The following CNTNAP2 variants were observed in gnomAD, a reference collection of about 807,000 sequenced individuals.
The protein encoded by CNTNAP2 is contactin associated protein 2, also known as contactin-associated protein-like 2.
A neutral mutation model predicts 155.2 loss-of-function variants in CNTNAP2; 98 were observed. That is an observed-to-expected ratio of 0.63 (90% CI 0.54 to 0.75). The LOEUF is 0.75. CNTNAP2 is among the 30% of genes least tolerant of loss of function. CNTNAP2 has a pLI of 0.00. For missense variants in CNTNAP2, 1,727 were observed against 1,688.1 expected, an observed-to-expected ratio of 1.02 and a Z score of -0.40; for synonymous variants, 651 against 631.2, an observed-to-expected ratio of 1.03 and a Z score of -0.47.
intron 13 of CNTNAP2, among the ~76,000 whole-genome samples, chr7:147,866,175 C>T (rs1196409632): frequency 2.6e-5 from 4 of 152,048 alleles, no homozygotes; most frequent in South Asian, 2.1e-4. Flanking sequence ...TTCATTTCGT[C>T]ATGTACCCAG....
intron 1 of CNTNAP2, among the ~76,000 whole-genome samples, chr7:146,506,229 C>T (rs1273236038): frequency 2.0e-5 from 3 of 152,152 alleles, no homozygotes; most frequent in Non-Finnish European, 4.4e-5. Context: ...GCATATGCCC[C>T]TGCAACCTCA....
intron 10 of CNTNAP2, among the ~76,000 whole-genome samples, chr7:147,429,616 T>C (rs1797434538): frequency 6.6e-6 from 1 of 152,158 alleles, no homozygotes; most frequent in Non-Finnish European, 1.5e-5. Context: ...TTGCTTTTGG[T>C]TCTTGGTCAT....
At chr7:147,117,966 C>T (rs1012160668) in intron 5 of CNTNAP2, among the ~76,000 whole-genome samples, 2 of 151,706 alleles carry the variant, frequency 1.3e-5, no homozygotes, top group Non-Finnish European at 2.9e-5. Context: ...GCATGCAAAA[C>T]CTGGGAAATA....
intron 13 of CNTNAP2, among the ~76,000 whole-genome samples, chr7:147,876,539 A>G (rs1456640132): frequency 2.0e-5 from 3 of 152,212 alleles, no homozygotes; most frequent in Non-Finnish European, 4.4e-5. Flanking sequence ...GATAATGGGT[A>G]AAGTGGCTGA....
chr7:146,479,915 G>T (rs999765786), intron 1 of CNTNAP2, among the ~76,000 whole-genome samples: 1 of 152,266 alleles, frequency 6.6e-6, no homozygotes, highest in African/African-American at 2.4e-5. Flanking sequence ...CTCCAGAGTA[G>T]CTGGGATTAC....
intron 21 of CNTNAP2, among the ~76,000 whole-genome samples, chr7:148,371,967 G>A (rs546660828): frequency 3.9e-5 from 6 of 152,310 alleles, no homozygotes; most frequent in South Asian, 4.1e-4. Flanking sequence ...TTGGGAGGCC[G>A]AGGCAGGCGG....
intron 1 of CNTNAP2, among the ~76,000 whole-genome samples, chr7:146,477,782 T>C (rs909066453): frequency 6.6e-6 from 1 of 152,166 alleles, no homozygotes; most frequent in Admixed American, 6.5e-5. Flanking sequence ...TTAAGATTTG[T>C]GGCGTTATGT....
chr7:148,242,593 G>A (rs1428708547), intron 20 of CNTNAP2, among the ~76,000 whole-genome samples: 1 of 152,238 alleles, frequency 6.6e-6, no homozygotes, highest in African/African-American at 2.4e-5. Flanking sequence ...CATCTGTCGC[G>A]GATACCGCGA....
chr7:146,270,215 A>G (rs894992931), intron 1 of CNTNAP2, among the ~76,000 whole-genome samples: 6 of 152,188 alleles, frequency 3.9e-5, no homozygotes, highest in Admixed American at 2.6e-4. Context: ...TAGTTTATGT[A>G]TAGAATTTTG....
intron 8 of CNTNAP2, among the ~76,000 whole-genome samples, chr7:147,199,714 C>T (rs192474700): frequency 2.0e-5 from 3 of 150,962 alleles, no homozygotes; most frequent in East Asian, 2.0e-4. Context: ...AAATGAAGTT[C>T]GTCTGTTACA....
At chr7:146,328,080 C>T (rs964709213) in intron 1 of CNTNAP2, among the ~76,000 whole-genome samples, 10 of 152,148 alleles carry the variant, frequency 6.6e-5, no homozygotes, top group Admixed American at 6.5e-5. Context: ...GCTGCTCAGC[C>T]GGAGGTGAGC....
At chr7:147,654,511 T>C (rs1795495671) in intron 13 of CNTNAP2, among the ~76,000 whole-genome samples, 1 of 152,226 alleles carries the variant, frequency 6.6e-6, no homozygotes, top group Admixed American at 6.5e-5. Context: ...TATCATGAGA[T>C]TGCAGCAATT....
chr7:146,639,655 G>T (rs1038592473), intron 1 of CNTNAP2, among the ~76,000 whole-genome samples: 3 of 152,186 alleles, frequency 2.0e-5, no homozygotes, highest in African/African-American at 7.2e-5. Context: ...GAGTTGATCT[G>T]AGTATTCAGA....
chr7:147,488,224 T>A (rs545464242), intron 11 of CNTNAP2, among the ~76,000 whole-genome samples: 1 of 152,262 alleles, frequency 6.6e-6, no homozygotes, highest in East Asian at 1.9e-4. Flanking sequence ...GAATGAACAA[T>A]TTTACATTTT....
chr7:146,943,111 C>T (rs1037333655), intron 3 of CNTNAP2, among the ~76,000 whole-genome samples: 12 of 152,280 alleles, frequency 7.9e-5, no homozygotes, highest in African/African-American at 1.9e-4. Flanking sequence ...TCCTAAAAAA[C>T]ATTATAGCCT....
chr7:146,565,172 A>G (rs1330408322), intron 1 of CNTNAP2, among the ~76,000 whole-genome samples: 1 of 151,950 alleles, frequency 6.6e-6, no homozygotes, highest in African/African-American at 2.4e-5. Context: ...CACGACATTA[A>G]GGGCAAGATA....
At chr7:148,123,563 C>T (rs1804643619) in intron 16 of CNTNAP2, among the ~76,000 whole-genome samples, 3 of 151,172 alleles carry the variant, frequency 2.0e-5, no homozygotes, top group South Asian at 2.1e-4. Flanking sequence ...CACAGCTGTA[C>T]CCCCTAGCCT....
chr7:146,467,334 C>T (rs1584938834), intron 1 of CNTNAP2, among the ~76,000 whole-genome samples: 1 of 152,104 alleles, frequency 6.6e-6, no homozygotes, highest in East Asian at 1.9e-4. Flanking sequence ...TGACTGATTT[C>T]AGTATCTCTA....
chr7:146,167,812 A>C (rs1042606738), intron 1 of CNTNAP2, among the ~76,000 whole-genome samples: 7 of 152,146 alleles, frequency 4.6e-5, no homozygotes, highest in Admixed American at 2.6e-4. Flanking sequence ...TCACAAGGTG[A>C]AGTCTCACAA....
Sources: allele counts gnomAD v4.1 joint callset (sites outside exome capture counted in the v4.1 genomes callset), GRCh38; gene constraint gnomAD v4.1.1; transcripts MANE v1.5; gene names NCBI Gene and HGNC (gene_info 2026-07-23, HGNC 2026-07-21).